Variants in CTTNBP2 observed in about 807,000 individuals in gnomAD.
CTTNBP2 encodes cortactin-binding protein 2.
A neutral mutation model predicts 156.9 loss-of-function variants in CTTNBP2; 108 were observed. That is an observed-to-expected ratio of 0.69 (90% CI 0.59 to 0.81). CTTNBP2 has a LOEUF of 0.81. Among genes scored for constraint, CTTNBP2 ranks in the 30% least tolerant of loss-of-function variants. The probability of loss-of-function intolerance (pLI) is 0.00; values close to 1 mark genes in which losing one functional copy is unlikely to be tolerated. For missense variants in CTTNBP2, 1,924 were observed against 2,035.4 expected, an observed-to-expected ratio of 0.95 and a Z score of 1.05; for synonymous variants, 767 against 751.8, an observed-to-expected ratio of 1.02 and a Z score of -0.33.
chr7:117,798,910 G>C (rs1272505108), intron 3 of CTTNBP2, among the ~76,000 whole-genome samples: 2 of 151,830 alleles, frequency 1.3e-5, no homozygotes, highest in Non-Finnish European at 2.9e-5. Context: ...ATATTAAAAG[G>C]ATAACTTTGT....
Position 117,760,486 on chromosome 7 carries a change from TG to T in CTTNBP2, c.3120del (p.Thr1041LeufsTer17), listed in dbSNP as rs867322708. ...WSLEDVTCNN[T>X]TDSNIGLSAR... is the part of the protein sequence containing the mutation. ...GCACTGAGGCCGATGTTGGAATCAG[TG>T]GTGTTATTGCAAGTCACGTCTTCCA... On this transcript the variant is annotated frameshift_variant, in exon 10 of 23. Transcript: ENST00000160373. LOFTEE classifies it high-confidence loss of function. 3 of 1,614,030 alleles carry T rather than the reference TG, an allele frequency of 1.9e-6. No individual in the cohort carries two copies. The African/African-American group carries it at 4.0e-5, about 22-fold the overall frequency.
intron 2 of CTTNBP2, among the ~76,000 whole-genome samples, chr7:117,833,838 T>C (rs1014962258): frequency 6.6e-6 from 1 of 152,206 alleles, no homozygotes; most frequent in Non-Finnish European, 1.5e-5. Context: ...CTAATGCCAG[T>C]ATTGAGTTAG....
At chr7:117,831,355 T>C (rs940478417) in intron 2 of CTTNBP2, among the ~76,000 whole-genome samples, 1 of 151,994 alleles carries the variant, frequency 6.6e-6, no homozygotes, top group Non-Finnish European at 1.5e-5. Context: ...AGTGTAGAGC[T>C]CTTAACATTT....
intron 14 of CTTNBP2, among the ~76,000 whole-genome samples, chr7:117,738,779 A>T (rs892895364): frequency 2.6e-5 from 4 of 152,150 alleles, no homozygotes; most frequent in Admixed American, 2.6e-4. Flanking sequence ...GGGTGAGGGC[A>T]TTGAGGAAGG....
At chr7:117,872,028 T>C (rs1439884318) in intron 1 of CTTNBP2, 12 of 930,984 alleles carry the variant, frequency 1.3e-5, no homozygotes, top group South Asian at 9.9e-5. Context: ...CAGGTTTCGT[T>C]TGAAATCTTA....
At chr7:117,762,149 T>G (rs931544145) in intron 9 of CTTNBP2, among the ~76,000 whole-genome samples, 1 of 152,230 alleles carries the variant, frequency 6.6e-6, no homozygotes, top group Non-Finnish European at 1.5e-5. Flanking sequence ...ATTTATTTTG[T>G]GCATGTTCAT....
At chr7:117,830,855 C>G (rs1405486860) in intron 2 of CTTNBP2, among the ~76,000 whole-genome samples, 1 of 152,100 alleles carries the variant, frequency 6.6e-6, no homozygotes, top group Non-Finnish European at 1.5e-5. Context: ...TTCACAAGGT[C>G]ATAACAAGGA....
chr7:117,802,453 A>C (rs1239469662), intron 3 of CTTNBP2, among the ~76,000 whole-genome samples: 28 of 126,926 alleles, frequency 2.2e-4, no homozygotes, highest in Admixed American at 3.6e-4. Flanking sequence ...AAAAAAAAAA[A>C]AAAACAAAAA....
intron 2 of CTTNBP2, among the ~76,000 whole-genome samples, chr7:117,820,017 T>C (rs1800861687): frequency 1.3e-5 from 2 of 152,186 alleles, no homozygotes; most frequent in African/African-American, 2.4e-5. Context: ...CTCTCTCCTT[T>C]CCGAAATCTC....
intron 9 of CTTNBP2, among the ~76,000 whole-genome samples, chr7:117,766,392 CAAAAT>C (rs1420436975): frequency 6.6e-6 from 1 of 152,086 alleles, no homozygotes; most frequent in African/African-American, 2.4e-5. Flanking sequence ...ATTTTCTTCA[CAAAAT>C]AAAAGTATAT....
Position 117,739,075 on chromosome 7 carries a change from G to T in CTTNBP2, c.3536-3654C>A, listed in dbSNP as rs143246717. On this transcript the variant is annotated intron_variant, in intron 14 of 22. Transcript: ENST00000160373. ...TTGGGGGAAAGCTTTGTCTTCATTC[G>T]CTTGCCTCATTGCCTCAGTTTTTCA... 6.6e-3 allele frequency among the ~76,000 whole-genome samples: 1,010 copies of T among 152,244 alleles called. 4 individuals carry two copies. Among genetic ancestry groups the T allele is most frequent in the Non-Finnish European group, 0.011 (724 of 68,024 alleles).
At position 117,735,315 on chromosome 7, in the gene CTTNBP2, T is replaced by C; in HGVS notation, c.3642A>G (p.Ala1214=). The C allele has an allele frequency of 6.2e-7, 1 of 1,614,070 alleles. No homozygotes were observed. The highest frequency in any genetic ancestry group is 8.5e-7 in the Non-Finnish European group (1 of 1,179,996). The change falls in exon 15 of 23, where the codon GCA becomes GCG. Residue 1214 remains alanine, a synonymous_variant. Transcript: ENST00000160373. ...SLSELLRDFL[A]PLENRSTESP... Reference sequence around the variant, plus strand: ...TTTCAGTGCTGCGATTTTCAAGAGGTGCCAAAAAGTCCCTCAATAACTCCG... The same window carrying C: ...TTTCAGTGCTGCGATTTTCAAGAGGCGCCAAAAAGTCCCTCAATAACTCCG...
At chr7:117,773,648 A>AACACACACACACACACACACACACACAC (rs71528190) in intron 8 of CTTNBP2, among the ~76,000 whole-genome samples, 1 of 95,060 alleles carries the variant, frequency 1.1e-5, no homozygotes, top group Non-Finnish European at 2.1e-5. Context: ...GCTTAGAGTT[A>AACACACACACACACACACACACACACAC]ACACACACAC....
At chr7:117,821,291 T>C (rs527945370) in intron 2 of CTTNBP2, among the ~76,000 whole-genome samples, 64 of 152,238 alleles carry the variant, frequency 4.2e-4, no homozygotes, top group African/African-American at 1.4e-3. Flanking sequence ...TTCTTATTCC[T>C]GTCTAAATTG....
Position 117,792,663 on chromosome 7 carries a change from C to T in CTTNBP2, c.533G>A (p.Cys178Tyr). 4.3e-6 allele frequency: 7 copies of T among 1,614,170 alleles called. No individual in the cohort carries two copies. The highest frequency in any genetic ancestry group is 5.9e-6 in the Non-Finnish European group (7 of 1,180,024). Residue 178 changes from cysteine to tyrosine, a missense_variant, in exon 4 of 23, where the codon TGC (cysteine) becomes TAC (tyrosine). Transcript: ENST00000160373. The surrounding 1 kb of genome is among the most constrained non-coding windows in gnomAD (Gnocchi z 4.2). ...TATGACTTTGCCTGAGAGCTGCTTG[C>T]ACTCTTTGACCAGCATCAGGACCAC... ...KQVVLMLVKE[C>Y]KQLSGKVIEE...
intron 22 of CTTNBP2, among the ~76,000 whole-genome samples, chr7:117,716,362 G>C (rs1794376439): frequency 6.6e-6 from 1 of 151,898 alleles, no homozygotes; most frequent in Non-Finnish European, 1.5e-5. Flanking sequence ...TTTTACACAA[G>C]AAAGTGATTT....
rs771422920 is a variant in CTTNBP2, at chr7:117,784,389, T to C, written c.2134A>G (p.Thr712Ala). 1.9e-6 allele frequency: 3 copies of C among 1,611,122 alleles called. No homozygotes were observed. The Admixed American group carries it at 5.0e-5, about 27-fold the overall frequency. Residue 712 changes from threonine (T) to alanine (A), a missense_variant, in exon 5 of 23, where the codon ACC (threonine) becomes GCC (alanine). Transcript: ENST00000160373. ...GGPAPLAGRP[T>A]LLQQAAAQGN... ...TGGGCAGCAGCTTGCTGAAGAAGGG[T>C]GGGCCTGCCAGCCAGGGGGGCAGGA...
intron 2 of CTTNBP2, among the ~76,000 whole-genome samples, chr7:117,851,712 C>T (rs1802940585): frequency 6.6e-6 from 1 of 152,086 alleles, no homozygotes; most frequent in Non-Finnish European, 1.5e-5. Flanking sequence ...TCCACCAAAC[C>T]AAACTCACAA....
chr7:117,730,709 A>C (rs776147676), intron 16 of CTTNBP2, among the ~76,000 whole-genome samples: 1 of 152,154 alleles, frequency 6.6e-6, no homozygotes, highest in Non-Finnish European at 1.5e-5. Flanking sequence ...CTAAGGCCAG[A>C]TCACAAGTCC....
Sources: gnomAD v4.1 joint callset for allele counts (sites outside exome capture counted in the v4.1 genomes callset) on GRCh38, gnomAD v4.1.1 for gene constraint, Gnocchi (gnomAD v3.1) non-coding constraint, MANE v1.5 for transcripts, NCBI Gene and HGNC (gene_info 2026-07-23, HGNC 2026-07-21) for gene names.